Variants in FA2H observed in about 807,000 individuals in gnomAD.
The protein encoded by FA2H is fatty acid 2-hydroxylase.
Under a neutral mutation model 44.9 loss-of-function variants are expected in FA2H, and 22 were observed. That is an observed-to-expected ratio of 0.49 (90% CI 0.35 to 0.70). The LOEUF (loss-of-function observed/expected upper bound fraction) is 0.70. FA2H is among the 30% of genes least tolerant of loss of function. The pLI is 0.01. For missense variants in FA2H, 501 were observed against 504.9 expected (o/e 0.99, Z 0.07); for synonymous variants, 243 against 213.2 (o/e 1.14, Z -1.22).
rs1013242754 is a variant in FA2H, at chr16:74,728,514, T to C, written c.364-1128A>G. Among the ~76,000 whole-genome samples, 25 of 152,078 alleles carry C rather than the reference T, an allele frequency of 1.6e-4. 1 individual carries two copies. The South Asian group carries it at 2.7e-3, about 16-fold the overall frequency. ...AGGGAGTGTGGGCACAGATGTAAAGTTGAATATGGTTGTGGCCTTTCTGGC... is the reference window on the plus strand; with the variant it reads ...AGGGAGTGTGGGCACAGATGTAAAGCTGAATATGGTTGTGGCCTTTCTGGC... On this transcript the variant is annotated intron_variant, in intron 2 of 6. Coordinates refer to ENST00000219368, the MANE Select transcript of FA2H (RefSeq NM_024306.5).
At chr16:74,714,922 C>T (rs545522830) in intron 6 of FA2H, among the ~76,000 whole-genome samples, 47 of 151,374 alleles carry the variant, frequency 3.1e-4, no homozygotes, top group African/African-American at 1.1e-3. Flanking sequence ...CTGCAAGCTC[C>T]GCCTCCTGGG....
At chr16:74,771,728 C>T (rs896010439) in intron 1 of FA2H, among the ~76,000 whole-genome samples, 1 of 152,094 alleles carries the variant, frequency 6.6e-6, no homozygotes, top group African/African-American at 2.4e-5. Context: ...GGGCCCTCAC[C>T]ACACAATGCT....
intron 1 of FA2H, among the ~76,000 whole-genome samples, chr16:74,753,153 CA>C (rs1962558048): frequency 6.6e-6 from 1 of 152,300 alleles, no homozygotes; most frequent in East Asian, 1.9e-4. Context: ...CAGAATCCTG[CA>C]GGGGAGGCAG....
intron 1 of FA2H, among the ~76,000 whole-genome samples, chr16:74,762,174 G>C (rs4888282): frequency 0.45 from 68,331 of 151,858 alleles, 16,284 homozygotes; most frequent in African/African-American, 0.54. Context: ...GCCTGAGTAG[G>C]TGGGACTGCA....
chr16:74,747,032 C>T (rs1197223186), intron 1 of FA2H, among the ~76,000 whole-genome samples: 1 of 152,166 alleles, frequency 6.6e-6, no homozygotes, highest in Non-Finnish European at 1.5e-5. Context: ...TAAAATTAGC[C>T]AGGCATGGCG....
At chr16:74,733,788 G>A (rs1962126445) in intron 2 of FA2H, among the ~76,000 whole-genome samples, 1 of 152,188 alleles carries the variant, frequency 6.6e-6, no homozygotes, top group Admixed American at 6.5e-5. Context: ...CATTGCCATG[G>A]GGGTGGGCAG....
chr16:74,750,802 G>T (rs1962514352), intron 1 of FA2H, among the ~76,000 whole-genome samples: 4 of 48,348 alleles, frequency 8.3e-5, no homozygotes, highest in Non-Finnish European at 1.4e-4. Flanking sequence ...TAAGAGACAG[G>T]GTCTCGCTCT....
At chr16:74,731,986 C>G (rs1454383904) in intron 2 of FA2H, among the ~76,000 whole-genome samples, 1 of 152,218 alleles carries the variant, frequency 6.6e-6, no homozygotes, top group Non-Finnish European at 1.5e-5. Context: ...AATTCTCCCA[C>G]CTCAGCTTCC....
At chr16:74,774,352 G>C (rs113316838) in intron 1 of FA2H, 134 bp downstream of exon 1, 4 of 802,634 alleles carry the variant, frequency 5.0e-6, no homozygotes, top group African/African-American at 1.8e-5. Flanking sequence ...GGAGAGAAGA[G>C]AGGGAAAGCG....
At chr16:74,774,089 G>C (rs28615188) in intron 1 of FA2H, among the ~76,000 whole-genome samples, 15,079 of 152,112 alleles carry the variant, frequency 0.099, 851 homozygotes, top group Middle Eastern at 0.16. Context: ...CAGAAACGGA[G>C]AGTGGTTGCA....
chr16:74,727,488 G>T, intron 2 of FA2H, 102 bp from the exon 3 acceptor site: 3 of 1,311,764 alleles, frequency 2.3e-6, no homozygotes, highest in Non-Finnish European at 3.3e-6. Flanking sequence ...TCCTACCTCA[G>T]CTCCTGTGAT....
At chr16:74,744,775 G>A (rs368381674) in intron 1 of FA2H, among the ~76,000 whole-genome samples, 1 of 151,940 alleles carries the variant, frequency 6.6e-6, no homozygotes, top group Non-Finnish European at 1.5e-5. Flanking sequence ...TTATAGAGAC[G>A]GGGTCTTGCT....
At chr16:74,735,595 G>C (rs574016130) in intron 2 of FA2H, among the ~76,000 whole-genome samples, 1 of 152,340 alleles carries the variant, frequency 6.6e-6, no homozygotes, top group African/African-American at 2.4e-5. Context: ...AGCGAAGGGA[G>C]CCTGCCCAGG....
chr16:74,753,400 C>A lies in FA2H; in HGVS notation c.271-13285G>T, dbSNP rs114692498. 5.2e-3 allele frequency among the ~76,000 whole-genome samples: 786 copies of A among 152,268 alleles called. 8 individuals carry two copies. The highest frequency in any genetic ancestry group is 0.018 in the African/African-American group (736 of 41,544). On this transcript the variant is annotated intron_variant, in intron 1 of 6. Coordinates refer to ENST00000219368, the MANE Select transcript of FA2H (RefSeq NM_024306.5). ...GGATGTGGCTTCTTTAATAACCCCA[C>A]GAACAGCAGGGCGAGGTGGCTCATG...
At chr16:74,749,075 G>T (rs1962482878) in intron 1 of FA2H, among the ~76,000 whole-genome samples, 1 of 152,212 alleles carries the variant, frequency 6.6e-6, no homozygotes, top group Admixed American at 6.5e-5. Context: ...GCCGTTATCT[G>T]TATCTGCAGC....
chr16:74,740,036 A>T lies in FA2H; in HGVS notation c.350T>A (p.Val117Glu), dbSNP rs145990810. The stretch of plus-strand genomic sequence containing the variant: ...TATGCCAGGTACCTTGTCCCAATCC[A>T]CCACTTTGAACCGTGGTTCCATAGC... ...DPAMEPRFKVVDWDKDLVDWR... is the reference protein window; with the variant it reads ...DPAMEPRFKVEDWDKDLVDWR... Residue 117 changes from valine (V) to glutamate (E), a missense_variant, in exon 2 of 7, where the codon GTG (valine) becomes GAG (glutamate). Physicochemically the swap from Val to Glu is moderately radical, Grantham distance 121. Transcript: ENST00000219368. 1.2e-6 allele frequency: 2 copies of T among 1,613,232 alleles called. No individual in the cohort carries two copies. Among genetic ancestry groups the T allele is most frequent in the South Asian group, 2.2e-5 (2 of 91,038 alleles).
intron 2 of FA2H, among the ~76,000 whole-genome samples, chr16:74,729,261 G>A (rs1243930326): frequency 6.6e-6 from 1 of 152,062 alleles, no homozygotes; most frequent in Non-Finnish European, 1.5e-5. Flanking sequence ...TGCCCGCCTC[G>A]GCCTCCCAAA....
rs555539310 is a variant in FA2H at position 74,758,231 on chromosome 16, C to T, written c.270+16255G>A. On this transcript the variant is annotated intron_variant, in intron 1 of 6. Coordinates refer to ENST00000219368, the MANE Select transcript of FA2H (RefSeq NM_024306.5). Reference sequence around the variant, plus strand: ...CGCCTCCTGGGTTCAAGCAATTCTCCTGCCTCAGCCTCCTGAGTAGCTGGG... The same window carrying T: ...CGCCTCCTGGGTTCAAGCAATTCTCTTGCCTCAGCCTCCTGAGTAGCTGGG... Among the ~76,000 whole-genome samples, 70 of 151,028 alleles carry T rather than the reference C, an allele frequency of 4.6e-4. 1 individual carries two copies. Among genetic ancestry groups the T allele is most frequent in the Admixed American group, 4.6e-3 (70 of 15,136 alleles).
chr16:74,733,389 G>GTT (rs1962117312), intron 2 of FA2H, among the ~76,000 whole-genome samples: 1 of 152,144 alleles, frequency 6.6e-6, no homozygotes. Context: ...AGGCCTGAGA[G>GTT]GTCAAGCGGC....
Sources: gnomAD v4.1 joint callset for allele counts (sites outside exome capture counted in the v4.1 genomes callset) on GRCh38, gnomAD v4.1.1 for gene constraint, MANE v1.5 for transcripts, NCBI Gene and HGNC (gene_info 2026-07-23, HGNC 2026-07-21) for gene names.